Variants in FOXP1 observed in about 807,000 individuals in gnomAD.
FOXP1 encodes forkhead box protein P1.
A neutral mutation model predicts 98.2 loss-of-function variants in FOXP1; 15 were observed. The ratio of observed to expected loss-of-function variants is 0.15; its 90% CI spans 0.10 to 0.24. The LOEUF is 0.24. Among genes scored for constraint, FOXP1 ranks in the 10% least tolerant of loss-of-function variants. The probability of loss-of-function intolerance (pLI) is 1.00; values close to 1 mark genes in which losing one functional copy is unlikely to be tolerated. For synonymous variants in FOXP1, 371 were observed against 314.5 expected (o/e 1.18, Z -1.90); for missense variants, 633 against 848.5 (o/e 0.75, Z 3.15).
intron 20 of FOXP1, among the ~76,000 whole-genome samples, chr3:70,960,594 G>A (rs1247163506): frequency 6.6e-6 from 1 of 152,220 alleles, no homozygotes; most frequent in Non-Finnish European, 1.5e-5. Context: ...GGGACAGGCT[G>A]CAGAAGGGAA....
chr3:71,319,388 CA>C (rs1275583030), intron 4 of FOXP1, among the ~76,000 whole-genome samples: 2 of 152,094 alleles, frequency 1.3e-5, no homozygotes, highest in Non-Finnish European at 2.9e-5. Flanking sequence ...GCTAAATTCC[CA>C]AAGCCTCTAA....
chr3:71,461,382 A>C (rs925380181), intron 3 of FOXP1, among the ~76,000 whole-genome samples: 1 of 152,212 alleles, frequency 6.6e-6, no homozygotes, highest in Non-Finnish European at 1.5e-5. Flanking sequence ...AGGAGATCTC[A>C]TGCAACATAG....
intron 18 of FOXP1, chr3:70,971,648 A>C (rs1022195589): frequency 2.3e-5 from 4 of 173,140 alleles, no homozygotes; most frequent in African/African-American, 9.5e-5. Flanking sequence ...GTGAACAAAT[A>C]AGAAATCTAC....
At chr3:71,015,504 G>T in intron 12 of FOXP1, 45 bp downstream of exon 12, 2 of 1,292,740 alleles carry the variant, frequency 1.5e-6, no homozygotes, top group Non-Finnish European at 2.2e-6. Flanking sequence ...ACGGTGGGAG[G>T]TGTTGGCTAT....
chr3:71,241,654 A>G (rs1383729888), intron 5 of FOXP1, among the ~76,000 whole-genome samples: 3 of 152,244 alleles, frequency 2.0e-5, no homozygotes, highest in African/African-American at 4.8e-5. Context: ...AGAAGTGGAA[A>G]ATTAAAGCTG....
chr3:71,196,129 T>C (rs1055938295), intron 6 of FOXP1, among the ~76,000 whole-genome samples: 8 of 152,198 alleles, frequency 5.3e-5, no homozygotes, highest in Admixed American at 5.2e-4. Context: ...TCCCAAAATG[T>C]GTCAACGACA....
chr3:71,152,565 G>A (rs1045251677), intron 6 of FOXP1, among the ~76,000 whole-genome samples: 2 of 152,172 alleles, frequency 1.3e-5, no homozygotes, highest in Admixed American at 1.3e-4. Flanking sequence ...CCCCCAGCGT[G>A]TGGGGGACAG....
chr3:71,173,144 T>G (rs2061733601), intron 6 of FOXP1, among the ~76,000 whole-genome samples: 1 of 152,132 alleles, frequency 6.6e-6, no homozygotes, highest in Non-Finnish European at 1.5e-5. Context: ...GGTCACCTTT[T>G]TTCCCCCTCT....
intron 6 of FOXP1, among the ~76,000 whole-genome samples, chr3:71,180,171 A>G (rs762088539): frequency 9.9e-5 from 15 of 152,182 alleles, no homozygotes; most frequent in Non-Finnish European, 1.6e-4. Flanking sequence ...CTTAAAAAAA[A>G]AACCCACCTT....
At chr3:71,190,499 T>A (rs2062900784) in intron 6 of FOXP1, among the ~76,000 whole-genome samples, 1 of 151,004 alleles carries the variant, frequency 6.6e-6, no homozygotes, top group Non-Finnish European at 1.5e-5. Flanking sequence ...TGGCCTGCCG[T>A]CCCAGCAACT....
chr3:71,497,705 G>A (rs1205105997), intron 2 of FOXP1, among the ~76,000 whole-genome samples: 2 of 152,128 alleles, frequency 1.3e-5, no homozygotes, highest in East Asian at 1.9e-4. Context: ...GACTACTTTA[G>A]GGGAAGGAAT....
At chr3:71,535,208 C>T (rs2044192159) in intron 2 of FOXP1, among the ~76,000 whole-genome samples, 1 of 152,154 alleles carries the variant, frequency 6.6e-6, no homozygotes, top group African/African-American at 2.4e-5. Context: ...CTGGTGACTT[C>T]CAAGGCTCTG....
At chr3:71,185,816 T>C (rs1029676243) in intron 6 of FOXP1, among the ~76,000 whole-genome samples, 5 of 152,220 alleles carry the variant, frequency 3.3e-5, no homozygotes, top group Non-Finnish European at 7.3e-5. Flanking sequence ...TACCATCCAT[T>C]ATCTCCTGAT....
chr3:71,417,973 GTT>G (rs5850011), intron 3 of FOXP1, among the ~76,000 whole-genome samples: 15 of 146,756 alleles, frequency 1.0e-4, no homozygotes, highest in Admixed American at 4.8e-4. Flanking sequence ...TGTTATCCTA[GTT>G]TTTTTTTTTT....
intron 5 of FOXP1, among the ~76,000 whole-genome samples, chr3:71,279,883 C>T (rs1009533642): frequency 1.3e-5 from 2 of 151,798 alleles, no homozygotes; most frequent in South Asian, 2.1e-4. Context: ...CAGCACTTTG[C>T]GAGGCCGAGG....
chr3:71,572,563 GAACA>G (rs1265123812), intron 2 of FOXP1: 2 of 152,304 alleles, frequency 1.3e-5, no homozygotes, highest in African/African-American at 2.4e-5. Flanking sequence ...GATGCTATCA[GAACA>G]AACCTTGAAC....
intron 3 of FOXP1, among the ~76,000 whole-genome samples, chr3:71,366,452 TA>T (rs1456927617): frequency 6.6e-6 from 1 of 152,176 alleles, no homozygotes; most frequent in African/African-American, 2.4e-5. Flanking sequence ...GTATCTACAG[TA>T]ATTCTCAGCT....
chr3:70,972,314 G>A, intron 18 of FOXP1: 1 of 940,832 alleles, frequency 1.1e-6, no homozygotes, highest in Non-Finnish European at 1.6e-6. Context: ...TGGTTTGTGA[G>A]GGTTAATATG....
intron 12 of FOXP1, among the ~76,000 whole-genome samples, chr3:71,011,080 A>G (rs2043539556): frequency 6.6e-6 from 1 of 152,192 alleles, no homozygotes; most frequent in Non-Finnish European, 1.5e-5. Flanking sequence ...CAAGAGTTAA[A>G]ATCATGTTGT....
Sources: gnomAD v4.1 joint callset for allele counts (sites outside exome capture counted in the v4.1 genomes callset) on GRCh38, gnomAD v4.1.1 for gene constraint, MANE v1.5 for transcripts, NCBI Gene and HGNC (gene_info 2026-07-23, HGNC 2026-07-21) for gene names.